The following SCN1A variants were observed in gnomAD, a reference collection of about 807,000 sequenced individuals.
The protein encoded by SCN1A is sodium voltage-gated channel alpha subunit 1.
In SCN1A, 13 loss-of-function variants were observed where a neutral mutation model predicts 193.7. The observed-to-expected ratio is 0.07, with a 90% CI of 0.04 to 0.11. The LOEUF (loss-of-function observed/expected upper bound fraction) is 0.11. Among genes scored for constraint, SCN1A ranks in the 10% least tolerant of loss-of-function variants. The probability of loss-of-function intolerance (pLI) is 1.00; values close to 1 mark genes in which losing one functional copy is unlikely to be tolerated. For synonymous variants in SCN1A, 781 were observed against 843.6 expected (o/e 0.93, Z 1.29); for missense variants, 1,432 against 2,451.1 (o/e 0.58, Z 8.78).
intron 2 of SCN1A, among the ~76,000 whole-genome samples, chr2:166,119,714 T>C (rs1690318489): frequency 6.6e-6 from 1 of 152,150 alleles, no homozygotes; most frequent in South Asian, 2.1e-4. Flanking sequence ...ATTTTCAAAA[T>C]ACTGTACTTT....
chr2:165,997,057 A>T (rs557426), intron 26 of SCN1A, among the ~76,000 whole-genome samples: 150,946 of 151,398 alleles, frequency 1, 75,248 homozygotes, highest in Middle Eastern at 1. Context: ...TCATACACTG[A>T]TATTGGGAGT....
chr2:166,123,551 T>C (rs1690874753), intron 2 of SCN1A: 2 of 152,186 alleles, frequency 1.3e-5, no homozygotes, highest in African/African-American at 4.8e-5. Flanking sequence ...GTTTGATCTG[T>C]AACTGACTGT....
In SCN1A at chr2:165,992,064, C is replaced by T; in HGVS notation, c.5211G>A (p.Lys1737=). 6.2e-7 allele frequency: 1 copy of T among 1,613,968 alleles called. No homozygotes were observed. Among genetic ancestry groups the T allele is most frequent in the Non-Finnish European group, 8.5e-7 (1 of 1,179,946 alleles). Residue 1737 remains lysine (K), a synonymous_variant, in exon 29 of 29, where the codon AAG becomes AAA. Coordinates refer to ENST00000674923, the MANE Select transcript of SCN1A (RefSeq NM_001165963.4). This position sits in a 1 kb window ranked among gnomAD's most constrained non-coding sequence, Gnocchi z 6.5. ...DGLLAPILNS[K]PPDCDPNKVN... ...CTTTATTAGGGTCACAGTCGGGTGG[C>T]TTACTGTTGAGAATGGGTGCTAGCA...
In SCN1A at chr2:166,015,861, T is replaced by C. The variant is rs565298878; in HGVS notation, c.3430-134A>G. ...AGATATTTTTAGAGAAAAAGAGAGATTGAATAAGGGGAAGAAATAAGAAAA... is the reference window on the plus strand; with the variant it reads ...AGATATTTTTAGAGAAAAAGAGAGACTGAATAAGGGGAAGAAATAAGAAAA... On this transcript the variant is annotated intron_variant, in intron 19 of 28. Transcript: ENST00000674923. 3.9e-4 allele frequency: 365 copies of C among 933,880 alleles called. 2 individuals are homozygous for C. The highest frequency in any genetic ancestry group is 5.6e-4 in the Non-Finnish European group (335 of 598,998). The allele number at this position is 933,880 out of a possible 1,614,324, so 57.8% of individuals were successfully genotyped here.
intron 23 of SCN1A, among the ~76,000 whole-genome samples, chr2:166,006,658 C>T (rs190008607): frequency 5.8e-4 from 88 of 151,180 alleles, no homozygotes; most frequent in African/African-American, 2.0e-3. Flanking sequence ...ATATTTTTGC[C>T]TTGTTAACAT....
chr2:166,105,624 G>A (rs1688603610), intron 2 of SCN1A, among the ~76,000 whole-genome samples: 1 of 152,078 alleles, frequency 6.6e-6, no homozygotes, highest in South Asian at 2.1e-4. Context: ...ATTTGAATTA[G>A]AAATAGGATC....
intron 1 of SCN1A, among the ~76,000 whole-genome samples, chr2:166,140,331 A>G (rs4233806): frequency 0.81 from 122,874 of 152,142 alleles, 50,235 homozygotes; most frequent in African/African-American, 0.94. Context: ...GGATTACATC[A>G]CATTAAGCTC....
chr2:166,008,056 A>G (rs1370215923), intron 23 of SCN1A, among the ~76,000 whole-genome samples: 1 of 151,328 alleles, frequency 6.6e-6, no homozygotes, highest in Non-Finnish European at 1.5e-5. Context: ...CCATATTCAT[A>G]AATCTGACCA....
intron 1 of SCN1A, among the ~76,000 whole-genome samples, chr2:166,135,357 T>A (rs1183668625): frequency 6.6e-6 from 1 of 150,658 alleles, no homozygotes; most frequent in Non-Finnish European, 1.5e-5. Flanking sequence ...AACTTTGCCA[T>A]AACTTAGCAT....
At chr2:166,128,222 C>A (rs923480779), upstream of SCN1A, among the ~76,000 whole-genome samples, 3 of 151,988 alleles carry the variant, frequency 2.0e-5, no homozygotes, top group Non-Finnish European at 4.4e-5. Flanking sequence ...CTCCTTGCTT[C>A]TCTTTCATTC....
At chr2:166,061,914 G>A (rs1235311899) in intron 4 of SCN1A, among the ~76,000 whole-genome samples, 1 of 152,090 alleles carries the variant, frequency 6.6e-6, no homozygotes, top group Non-Finnish European at 1.5e-5. Flanking sequence ...ATTTTACAGT[G>A]TATTCCCTTT....
intron 2 of SCN1A, among the ~76,000 whole-genome samples, chr2:166,096,220 C>T (rs1687358646): frequency 6.6e-6 from 1 of 152,272 alleles, no homozygotes; most frequent in Non-Finnish European, 1.5e-5. Flanking sequence ...AGTTCAATTT[C>T]TTTCATTCAT....
chr2:166,117,205 G>A (rs186795970), intron 2 of SCN1A, among the ~76,000 whole-genome samples: 253 of 152,202 alleles, frequency 1.7e-3, no homozygotes, highest in African/African-American at 6.0e-3. Flanking sequence ...AATAAAAATA[G>A]TATTCTATGG....
chr2:166,084,587 A>C (rs1685898407), intron 2 of SCN1A, among the ~76,000 whole-genome samples: 1 of 152,112 alleles, frequency 6.6e-6, no homozygotes. Context: ...TTGAAGGAAA[A>C]AGATGCCAAC....
At chr2:166,115,022 T>C (rs537816787) in intron 2 of SCN1A, among the ~76,000 whole-genome samples, 1 of 152,234 alleles carries the variant, frequency 6.6e-6, no homozygotes, top group South Asian at 2.1e-4. Flanking sequence ...CTATAAAATA[T>C]AGTACTTGAA....
Position 166,051,909 on chromosome 2 carries a change from C to T in SCN1A, c.774G>A (p.Leu258=). Residue 258 remains leucine (L), a synonymous_variant, in exon 9 of 29, where the codon CTG becomes CTA. Transcript: ENST00000674923. ...SDVMILTVFC[L]SVFALIGLQL... Reference sequence around the variant, plus strand: ...GCAGCCCAATTAGAGCAAATACGCTCAGACAGAACACAGTCAGGATCATTA... The same window carrying T: ...GCAGCCCAATTAGAGCAAATACGCTTAGACAGAACACAGTCAGGATCATTA... The T allele has an allele frequency of 6.2e-7, 1 of 1,612,586 alleles. No homozygotes were observed. Among genetic ancestry groups the T allele is most frequent in the Non-Finnish European group, 8.5e-7 (1 of 1,179,000 alleles).
At chr2:166,042,212 C>T in intron 15 of SCN1A, 80 bp downstream of exon 15, 1 of 1,445,332 alleles carries the variant, frequency 6.9e-7, no homozygotes, top group African/African-American at 1.4e-5. Flanking sequence ...CTATTCCCAA[C>T]TCACAAATAT....
chr2:166,120,642 T>C (rs1184826973), intron 2 of SCN1A, among the ~76,000 whole-genome samples: 1 of 133,042 alleles, frequency 7.5e-6, no homozygotes, highest in Non-Finnish European at 1.6e-5. Flanking sequence ...AGTCTTGCTC[T>C]GTCATCCAGA....
chr2:166,059,923 C>T (rs1683111351), intron 4 of SCN1A, among the ~76,000 whole-genome samples: 1 of 151,304 alleles, frequency 6.6e-6, no homozygotes, highest in South Asian at 2.1e-4. Context: ...TAGAAGTGTC[C>T]TAAACTGGCT....
Sources: gnomAD v4.1 joint callset for allele counts (sites outside exome capture counted in the v4.1 genomes callset) on GRCh38, gnomAD v4.1.1 for gene constraint, Gnocchi (gnomAD v3.1) non-coding constraint, MANE v1.5 for transcripts, NCBI Gene and HGNC (gene_info 2026-07-23, HGNC 2026-07-21) for gene names.